RIF1: variants seen among roughly 807,000 people sequenced by gnomAD.
The protein encoded by RIF1 is replication timing regulatory factor 1, also known as telomere-associated protein RIF1.
RIF1 carries 45 observed loss-of-function variants against 247.1 expected under a neutral mutation model. The ratio of observed to expected loss-of-function variants is 0.18; its 90% CI spans 0.14 to 0.23. RIF1 has a LOEUF of 0.23. RIF1 is among the 10% of genes least tolerant of loss of function. RIF1 has a pLI of 1.00. For synonymous variants in RIF1, 1,087 were observed against 978.8 expected (o/e 1.11, Z -2.06); for missense variants, 2,967 against 2,862.5 (o/e 1.04, Z -0.83).
chr2:151,468,694 A>G lies in RIF1; in HGVS notation c.6879A>G (p.Pro2293=). ...SIPCPTESVY[P]PLVNCVAPVD... is the part of the protein sequence containing the mutation. Reference sequence around the variant, plus strand: ...CATGCCCAACAGAAAGTGTTTACCCACCATTGGTGAACTGTGTGGCACCAG... The same window carrying G: ...CATGCCCAACAGAAAGTGTTTACCCGCCATTGGTGAACTGTGTGGCACCAG... Residue 2293 remains proline (P), a synonymous_variant, in exon 33 of 36, where the codon CCA becomes CCG. Coordinates refer to ENST00000444746, the MANE Select transcript of RIF1 (RefSeq NM_018151.5). The G allele has an allele frequency of 6.2e-7, 1 of 1,614,020 alleles. No individual in the cohort carries two copies. The highest frequency in any genetic ancestry group is 2.2e-5 in the East Asian group (1 of 44,862).
chr2:151,468,022 A>C lies in RIF1; in HGVS notation c.6623A>C (p.Asp2208Ala). ...VNKVRRVSFADPIYQAGLADD... is the reference protein window; with the variant it reads ...VNKVRRVSFAAPIYQAGLADD... ...CAGGTTCGCCGTGTCTCCTTTGCAG[A>C]TCCAATATACCAAGCAGGATTGGCA... Residue 2208 changes from aspartate to alanine, a missense_variant, in exon 31 of 36, where the codon GAT becomes GCT. Physicochemically the swap from Asp to Ala is moderately radical, Grantham distance 126. This residue lies in a region of RIF1 where 2,028 missense variants were observed against 1,825.6 expected (regional missense o/e 1.11). Transcript: ENST00000444746. 1 of 1,612,608 alleles carries C rather than the reference A, an allele frequency of 6.2e-7. No individual in the cohort carries two copies. Among genetic ancestry groups the C allele is most frequent in the Non-Finnish European group, 8.5e-7 (1 of 1,179,494 alleles).
intron 4 of RIF1, among the ~76,000 whole-genome samples, chr2:151,415,831 G>A (rs1456613743): frequency 6.6e-6 from 1 of 151,928 alleles, no homozygotes; most frequent in Non-Finnish European, 1.5e-5. Context: ...GAGCCAAGGT[G>A]TTGCCATTGC....
chr2:151,461,082 T>G, intron 26 of RIF1, 56 bp from the exon 27 acceptor site: 1 of 1,505,034 alleles, frequency 6.6e-7, no homozygotes, highest in Non-Finnish European at 9.1e-7. Context: ...GATAGAAATA[T>G]TGGAAAATAA....
the RIF1 span, chr2:151,524,196 A>T: frequency 1.2e-6 from 1 of 829,580 alleles, no homozygotes; most frequent in Non-Finnish European, 1.9e-6. Flanking sequence ...GAAGCTTTGC[A>T]GTACTATTAC....
intron 9 of RIF1, chr2:151,493,873 A>T: frequency 6.6e-7 from 1 of 1,517,066 alleles, no homozygotes; most frequent in Non-Finnish European, 8.9e-7. Flanking sequence ...AACACCTGTG[A>T]GATACAAAGT....
intron 34 of RIF1, among the ~76,000 whole-genome samples, chr2:151,472,388 C>G (rs1407697498): frequency 6.6e-6 from 1 of 152,144 alleles, no homozygotes; most frequent in Non-Finnish European, 1.5e-5. Context: ...ATTGCCCTGG[C>G]CAGAACTTCC....
intron 6 of RIF1, among the ~76,000 whole-genome samples, 163 bp downstream of exon 6, chr2:151,417,064 A>G (rs552115782): frequency 6.6e-6 from 1 of 152,294 alleles, no homozygotes; most frequent in Middle Eastern, 3.4e-3. Flanking sequence ...ATGGAAGTAG[A>G]TATGTGTGGG....
chr2:151,512,778 A>G (rs2153273534), downstream of RIF1: 1 of 1,613,906 alleles, frequency 6.2e-7, no homozygotes, highest in South Asian at 1.1e-5. Context: ...TGATCTCTGG[A>G]GTATCAACCA....
the RIF1 span, among the ~76,000 whole-genome samples, chr2:151,515,204 A>C: frequency 6.6e-6 from 1 of 152,174 alleles, no homozygotes; most frequent in Admixed American, 6.5e-5. Flanking sequence ...GAGTGGAAGG[A>C]TGGATGCACC....
Position 151,437,284 on chromosome 2 carries a change from C to G in RIF1, c.1416C>G (p.Ser472=), listed in dbSNP as rs757723154. The change falls in exon 13 of 36, where the codon TCC becomes TCG. Residue 472 remains serine (S), a synonymous_variant. Transcript: ENST00000444746. ...HPLISSPSFF[S]KHANTLITAV... is the part of the protein sequence containing the mutation. ...TAATCAGCAGCCCTTCCTTTTTTTC[C>G]AAACATGCAAATACACTTATCACTG... The G allele has an allele frequency of 4.3e-6, 7 of 1,613,124 alleles. No homozygotes were observed. Among genetic ancestry groups the G allele is most frequent in the Middle Eastern group, 3.3e-4 (2 of 6,080 alleles).
At chr2:151,497,942 A>G (rs1260603227) in intron 10 of RIF1, 6 of 1,445,772 alleles carry the variant, frequency 4.2e-6, no homozygotes, top group African/African-American at 1.4e-5. Flanking sequence ...AGAGTTATCC[A>G]TGTTATTTTT....
At chr2:151,415,259 A>G (rs1686987054) in intron 4 of RIF1, among the ~76,000 whole-genome samples, 1 of 151,736 alleles carries the variant, frequency 6.6e-6, no homozygotes, top group Admixed American at 6.6e-5. Context: ...AGGCAGGAGA[A>G]TGACGTGAAC....
Position 151,415,598 on chromosome 2 carries a change from G to A in RIF1, c.280+679G>A, listed in dbSNP as rs962685169. On this transcript the variant is annotated intron_variant, in intron 4 of 35. Transcript: ENST00000444746. ...AAAAAAAAAAAAAGGATATTGCTGG[G>A]TGCAGTGTCTCATGCCTGTAATCCC... Among the ~76,000 whole-genome samples, 14 of 121,896 alleles carry A rather than the reference G, an allele frequency of 1.1e-4. 1 individual carries two copies. Among genetic ancestry groups the A allele is most frequent in the African/African-American group, 3.9e-4 (13 of 33,002 alleles). 80.0% of individuals were successfully genotyped at this position (121,896 alleles called of 152,430 possible). A position where few individuals can be genotyped will look rare whatever the true frequency, so the allele number is the denominator to read the frequency against.
chr2:151,433,917 G>A (rs1330916155), intron 10 of RIF1, among the ~76,000 whole-genome samples: 3 of 151,884 alleles, frequency 2.0e-5, no homozygotes, highest in Non-Finnish European at 4.4e-5. Context: ...CATGCCTGTA[G>A]TCCTAGCACT....
chr2:151,501,286 A>AGAT (rs2064306869), intron 11 of RIF1: 1 of 759,428 alleles, frequency 1.3e-6, no homozygotes, highest in East Asian at 2.8e-5. Context: ...GATTAAAAAA[A>AGAT]GATTTTGTTA....
At chr2:151,457,220 C>G (rs1159710800) in intron 23 of RIF1, among the ~76,000 whole-genome samples, 2 of 152,062 alleles carry the variant, frequency 1.3e-5, no homozygotes, top group Admixed American at 1.3e-4. Context: ...CTCCTGGGCT[C>G]AAGGTGATTC....
At chr2:151,519,134 C>A in the RIF1 span, 1 of 1,033,020 alleles carries the variant, frequency 9.7e-7, no homozygotes. Flanking sequence ...TAATGGAAAT[C>A]AAAGTGAGAT....
intron 3 of RIF1, among the ~76,000 whole-genome samples, chr2:151,412,780 GC>G (rs1408211804): frequency 6.6e-6 from 1 of 152,036 alleles, no homozygotes; most frequent in Non-Finnish European, 1.5e-5. Flanking sequence ...ACCGTGCCCA[GC>G]CGTGTGCCTT....
At chr2:151,483,654 C>CA (rs1409663600), downstream of RIF1, among the ~76,000 whole-genome samples, 1 of 151,932 alleles carries the variant, frequency 6.6e-6, no homozygotes, top group Non-Finnish European at 1.5e-5. Flanking sequence ...ATAACCTATG[C>CA]ACATTCTCCC....
Sources: allele counts gnomAD v4.1 joint callset (sites outside exome capture counted in the v4.1 genomes callset), GRCh38; gene constraint gnomAD v4.1.1; regional missense constraint gnomAD v4.1.1; transcripts MANE v1.5; gene names NCBI Gene and HGNC (gene_info 2026-07-23, HGNC 2026-07-21).